C9orf85: variants seen among roughly 807,000 people sequenced by gnomAD.
The protein encoded by C9orf85 is chromosome 9 open reading frame 85.
Under a neutral mutation model 14.9 loss-of-function variants are expected in C9orf85, and 16 were observed. That is an observed-to-expected ratio of 1.08 (90% CI 0.73 to 1.63). The LOEUF is 1.63. C9orf85 is among the 40% of genes most tolerant of loss of function. The probability of loss-of-function intolerance (pLI) is 0.00; values close to 1 mark genes in which losing one functional copy is unlikely to be tolerated. For synonymous variants in C9orf85, 45 were observed against 56.8 expected (o/e 0.79, Z 0.93); for missense variants, 172 against 186.1 (o/e 0.92, Z 0.44).
chr9:71,938,396 T>A (rs867729276), intron 1 of C9orf85, among the ~76,000 whole-genome samples: 4 of 152,146 alleles, frequency 2.6e-5, no homozygotes, highest in South Asian at 4.1e-4. Flanking sequence ...TCATTCTAAG[T>A]TTGGTCATTT....
chr9:71,917,091 C>T (rs552715577), intron 1 of C9orf85, among the ~76,000 whole-genome samples: 4 of 152,162 alleles, frequency 2.6e-5, no homozygotes, highest in Admixed American at 2.6e-4. Context: ...TGTGGGAGGA[C>T]AATTCAAAGG....
intron 1 of C9orf85, among the ~76,000 whole-genome samples, chr9:71,943,964 G>A (rs1440469755): frequency 6.6e-6 from 1 of 151,602 alleles, no homozygotes; most frequent in Non-Finnish European, 1.5e-5. Flanking sequence ...GGCCGGGTGC[G>A]GTGGCTCACG....
rs549103553 is a variant in C9orf85 at position 71,958,054 on chromosome 9, A to C, written c.209+10942A>C. Among the ~76,000 whole-genome samples, 3 of 152,046 alleles carry C rather than the reference A, an allele frequency of 2.0e-5. No individual in the cohort carries two copies. The East Asian group carries it at 5.8e-4, about 29-fold the overall frequency. ...GAAACCAGAACAGTTAAGTCCCTTAAAACTAGAAATCATACTCTATTGGTG... is the reference window on the plus strand; with the variant it reads ...GAAACCAGAACAGTTAAGTCCCTTACAACTAGAAATCATACTCTATTGGTG... On this transcript the variant is annotated intron_variant, in intron 2 of 3. Coordinates refer to ENST00000334731, the MANE Select transcript of C9orf85 (RefSeq NM_182505.5).
chr9:71,921,934 A>T (rs966533572), intron 1 of C9orf85, among the ~76,000 whole-genome samples: 28 of 142,282 alleles, frequency 2.0e-4, no homozygotes, highest in Non-Finnish European at 3.2e-4. Flanking sequence ...TTTTTTTATT[A>T]TTATTATTAT....
At chr9:71,955,502 C>T (rs566063495) in intron 2 of C9orf85, among the ~76,000 whole-genome samples, 4 of 152,102 alleles carry the variant, frequency 2.6e-5, no homozygotes, top group African/African-American at 9.6e-5. Flanking sequence ...TTTTTCTGTC[C>T]AAAACTGAAG....
intron 2 of C9orf85, among the ~76,000 whole-genome samples, chr9:71,953,986 G>GCTGCTCGGGAGA (rs1043027133): frequency 2.0e-5 from 3 of 152,002 alleles, no homozygotes; most frequent in African/African-American, 7.3e-5. Flanking sequence ...TGTGGTCCTA[G>GCTGCTCGGGAGA]CTGCTCGGGA....
At chr9:71,929,234 C>T (rs552742668) in intron 1 of C9orf85, among the ~76,000 whole-genome samples, 1 of 152,244 alleles carries the variant, frequency 6.6e-6, no homozygotes, top group South Asian at 2.1e-4. Context: ...CTCCATACAT[C>T]CCTATTAGGA....
intron 2 of C9orf85, among the ~76,000 whole-genome samples, chr9:71,968,001 T>C (rs759695582): frequency 3.7e-4 from 56 of 152,126 alleles, no homozygotes; most frequent in Non-Finnish European, 4.1e-4. Flanking sequence ...ATATGGTTTT[T>C]CTTAGAACAT....
intron 1 of C9orf85, among the ~76,000 whole-genome samples, chr9:71,916,935 A>T (rs975323190): frequency 2.0e-5 from 3 of 152,180 alleles, no homozygotes; most frequent in African/African-American, 4.8e-5. Context: ...GCTATACATT[A>T]TCTATAATAA....
intron 1 of C9orf85, among the ~76,000 whole-genome samples, chr9:71,943,006 C>T (rs1327986737): frequency 6.6e-6 from 1 of 151,954 alleles, no homozygotes; most frequent in Non-Finnish European, 1.5e-5. Flanking sequence ...CTTTTATCCT[C>T]TAGCCAAATT....
At chr9:71,967,437 TAGTG>T (rs767154149) in intron 2 of C9orf85, among the ~76,000 whole-genome samples, 1 of 152,210 alleles carries the variant, frequency 6.6e-6, no homozygotes, top group Non-Finnish European at 1.5e-5. Context: ...TGAAATCACA[TAGTG>T]AGAATTCTCC....
At chr9:71,967,484 C>T (rs559819560) in intron 2 of C9orf85, among the ~76,000 whole-genome samples, 1 of 152,224 alleles carries the variant, frequency 6.6e-6, no homozygotes, top group South Asian at 2.1e-4. Context: ...ACTCTTTTGG[C>T]TGTTGTAATT....
At chr9:71,957,176 C>G (rs1225157124) in intron 2 of C9orf85, among the ~76,000 whole-genome samples, 1 of 152,086 alleles carries the variant, frequency 6.6e-6, no homozygotes, top group Admixed American at 6.6e-5. Flanking sequence ...GATTATTTAT[C>G]CAGTTGATAG....
intron 1 of C9orf85, among the ~76,000 whole-genome samples, chr9:71,921,602 T>C (rs1409044144): frequency 6.6e-6 from 1 of 152,214 alleles, no homozygotes; most frequent in Non-Finnish European, 1.5e-5. Flanking sequence ...AAAACCAAAC[T>C]GTATCCCAAC....
chr9:71,956,913 G>A (rs955218263), intron 2 of C9orf85, among the ~76,000 whole-genome samples: 7 of 151,954 alleles, frequency 4.6e-5, no homozygotes, highest in African/African-American at 1.4e-4. Flanking sequence ...ATGACAAGAA[G>A]AAACAGTATA....
intron 1 of C9orf85, chr9:71,912,039 A>C: frequency 1.7e-6 from 1 of 599,792 alleles, no homozygotes; most frequent in Non-Finnish European, 3.0e-6. Context: ...TAAATATTTG[A>C]TGGTCAGCAC....
At chr9:71,952,409 G>C (rs1026750777) in intron 2 of C9orf85, among the ~76,000 whole-genome samples, 4 of 152,258 alleles carry the variant, frequency 2.6e-5, no homozygotes, top group African/African-American at 9.6e-5. Context: ...CTGTCGCCCA[G>C]GCTGTAGTGC....
At chr9:71,981,346 A>G (rs1442248602) in intron 3 of C9orf85, among the ~76,000 whole-genome samples, 6 of 152,190 alleles carry the variant, frequency 3.9e-5, no homozygotes, top group Admixed American at 3.3e-4. Flanking sequence ...TTGCCCACAC[A>G]TGGGACATGC....
At chr9:71,912,386 TCTG>T (rs1311390955) in intron 1 of C9orf85, among the ~76,000 whole-genome samples, 2 of 152,180 alleles carry the variant, frequency 1.3e-5, no homozygotes, top group Non-Finnish European at 2.9e-5. Flanking sequence ...TAGCAGGACT[TCTG>T]TAAAGTCCTG....
Sources: allele counts gnomAD v4.1 joint callset (sites outside exome capture counted in the v4.1 genomes callset), GRCh38; gene constraint gnomAD v4.1.1; transcripts MANE v1.5; gene names NCBI Gene and HGNC (gene_info 2026-07-23, HGNC 2026-07-21).